The following CNTN6 variants were observed in gnomAD, a reference collection of about 807,000 sequenced individuals.
CNTN6 encodes contactin-6.
CNTN6 carries 137 observed loss-of-function variants against 122.8 expected under a neutral mutation model. The ratio of observed to expected loss-of-function variants is 1.12; its 90% CI spans 0.97 to 1.29. The LOEUF (loss-of-function observed/expected upper bound fraction) is 1.29. Ranked by LOEUF, CNTN6 falls within the 50% of genes most tolerant of loss-of-function variation. The pLI, the probability that CNTN6 is intolerant of heterozygous loss-of-function variation, is 0.00. For missense variants in CNTN6, 1,634 were observed against 1,223.4 expected, an observed-to-expected ratio of 1.34 and a Z score of -5.01; for synonymous variants, 570 against 426.0, an observed-to-expected ratio of 1.34 and a Z score of -4.16.
chr3:1,317,213 T>C (rs1459740677), intron 7 of CNTN6, among the ~76,000 whole-genome samples: 1 of 151,650 alleles, frequency 6.6e-6, no homozygotes, highest in Non-Finnish European at 1.5e-5. Flanking sequence ...AAGGTTTTTA[T>C]CATTATTTTT....
At chr3:1,106,337 T>C (rs2091219749) in intron 1 of CNTN6, among the ~76,000 whole-genome samples, 1 of 152,164 alleles carries the variant, frequency 6.6e-6, no homozygotes, top group African/African-American at 2.4e-5. Context: ...TGTTTTAGCT[T>C]GCATTTACGT....
intron 2 of CNTN6, among the ~76,000 whole-genome samples, chr3:1,211,646 C>T (rs1054274986): frequency 7.2e-5 from 11 of 152,056 alleles, no homozygotes; most frequent in African/African-American, 2.7e-4. Flanking sequence ...CTGTTCCCCC[C>T]CACCCTCTCT....
chr3:1,309,326 G>A (rs1173291735), intron 7 of CNTN6, among the ~76,000 whole-genome samples: 2 of 152,024 alleles, frequency 1.3e-5, no homozygotes, highest in African/African-American at 4.8e-5. Context: ...TATGACTTCT[G>A]GGTCTATTCA....
At chr3:1,227,784 T>G (rs374240431) in intron 3 of CNTN6, 34 bp from the exon 4 acceptor site, 7 of 1,603,876 alleles carry the variant, frequency 4.4e-6, no homozygotes, top group Non-Finnish European at 6.0e-6. Flanking sequence ...TGACTCTGTA[T>G]ATTATAAGCA....
rs71056326 is a variant in CNTN6, at chr3:1,245,295, CATATATATATATAT to C, written c.358+17330_358+17343del. ...TATATACACACACATATATATATAACATATATATATATATATATATATATATATATATATATATA... is the reference window on the plus strand; with the variant it reads ...TATATACACACACATATATATATAACATATATATATATATATATATATATA... On this transcript the variant is annotated intron_variant, in intron 4 of 22. Transcript: ENST00000446702. Among the ~76,000 whole-genome samples, 8 of 3,806 alleles carry C rather than the reference CATATATATATATAT, an allele frequency of 2.1e-3. 2 individuals are homozygous for C. In the South Asian group the frequency reaches 0.038, roughly 18 times the overall value. The allele number at this position is 3,806 out of a possible 152,430, so 2.5% of individuals were successfully genotyped here.
intron 19 of CNTN6, among the ~76,000 whole-genome samples, chr3:1,384,750 C>CATAT (rs370173295): frequency 4.0e-5 from 4 of 99,762 alleles, no homozygotes; most frequent in Admixed American, 2.8e-4. Flanking sequence ...CATATATACA[C>CATAT]ATATATATAC....
At chr3:1,267,082 A>AT (rs755629297) in intron 4 of CNTN6, among the ~76,000 whole-genome samples, 1 of 150,926 alleles carries the variant, frequency 6.6e-6, no homozygotes, top group Non-Finnish European at 1.5e-5. Context: ...CGCCCCACTA[A>AT]TTTTTTGGAT....
chr3:1,122,854 G>A (rs76069191), intron 1 of CNTN6, among the ~76,000 whole-genome samples: 2,182 of 151,740 alleles, frequency 0.014, 30 homozygotes, highest in Middle Eastern at 0.048. Flanking sequence ...TGAGCATTTG[G>A]GCTGTTTCCA....
intron 2 of CNTN6, among the ~76,000 whole-genome samples, chr3:1,182,300 A>C (rs541031769): frequency 6.6e-6 from 1 of 152,176 alleles, no homozygotes; most frequent in East Asian, 1.9e-4. Context: ...GATGATGAGC[A>C]TCTTTGTTCT....
intron 5 of CNTN6, among the ~76,000 whole-genome samples, chr3:1,287,302 C>G (rs543056969): frequency 1.1e-4 from 17 of 152,188 alleles, no homozygotes; most frequent in Non-Finnish European, 2.2e-4. Flanking sequence ...CTGGCTTTTA[C>G]TTACTAGATG....
intron 1 of CNTN6, among the ~76,000 whole-genome samples, chr3:1,125,438 A>G (rs10446435): frequency 0.4 from 61,015 of 151,620 alleles, 12,748 homozygotes; most frequent in East Asian, 0.48. Flanking sequence ...ATGACTTCCA[A>G]GGAATTGCTG....
intron 1 of CNTN6, among the ~76,000 whole-genome samples, chr3:1,095,009 A>G (rs1342022780): frequency 1.3e-5 from 2 of 152,146 alleles, no homozygotes; most frequent in Non-Finnish European, 2.9e-5. Flanking sequence ...GGCGACTATC[A>G]TTGGAGACAT....
At chr3:1,125,991 ATT>A (rs1407667406) in intron 1 of CNTN6, among the ~76,000 whole-genome samples, 2 of 151,760 alleles carry the variant, frequency 1.3e-5, no homozygotes, top group Non-Finnish European at 2.9e-5. Context: ...TTCAAATTGT[ATT>A]CTCTCTTTCC....
intron 4 of CNTN6, among the ~76,000 whole-genome samples, chr3:1,260,172 T>C (rs2094822043): frequency 6.6e-6 from 1 of 152,154 alleles, no homozygotes; most frequent in Non-Finnish European, 1.5e-5. Context: ...ACAAATTGAC[T>C]CCCTGATTGC....
intron 2 of CNTN6, among the ~76,000 whole-genome samples, chr3:1,200,010 GGTA>G (rs935889023): frequency 1.3e-5 from 2 of 151,966 alleles, no homozygotes; most frequent in Non-Finnish European, 2.9e-5. Context: ...TAGATAAAGC[GGTA>G]GAAAACTTTG....
chr3:1,252,053 T>C (rs2094680511), intron 4 of CNTN6, among the ~76,000 whole-genome samples: 4 of 152,198 alleles, frequency 2.6e-5, no homozygotes, highest in Admixed American at 2.0e-4. Context: ...GGCAGCCTCT[T>C]TCTTTTTCCA....
At chr3:1,248,616 T>C (rs1451733398) in intron 4 of CNTN6, among the ~76,000 whole-genome samples, 3 of 152,114 alleles carry the variant, frequency 2.0e-5, no homozygotes, top group South Asian at 4.2e-4. Context: ...GTTCAGGAGT[T>C]TGAGACTAGG....
intron 5 of CNTN6, among the ~76,000 whole-genome samples, chr3:1,283,164 G>A (rs1693761632): frequency 6.6e-6 from 1 of 152,104 alleles, no homozygotes; most frequent in African/African-American, 2.4e-5. Flanking sequence ...AGTAGAGACA[G>A]GGTGGGTCTC....
chr3:1,128,551 C>A (rs1005746768), intron 1 of CNTN6, among the ~76,000 whole-genome samples: 4 of 152,008 alleles, frequency 2.6e-5, no homozygotes, highest in African/African-American at 9.7e-5. Flanking sequence ...ATGGTACCTG[C>A]ACCAACACTT....
Sources: gnomAD v4.1 joint callset for allele counts (sites outside exome capture counted in the v4.1 genomes callset) on GRCh38, gnomAD v4.1.1 for gene constraint, MANE v1.5 for transcripts, NCBI Gene and HGNC (gene_info 2026-07-23, HGNC 2026-07-21) for gene names.